AGAP3: variants seen among roughly 807,000 people sequenced by gnomAD.
AGAP3 encodes arf-GAP with GTPase, ANK repeat and PH domain-containing protein 3.
AGAP3 carries 24 observed loss-of-function variants against 96.9 expected under a neutral mutation model. The ratio of observed to expected loss-of-function variants is 0.25; its 90% CI spans 0.18 to 0.35. The LOEUF is 0.35. AGAP3 is among the 10% of genes least tolerant of loss of function. The pLI, the probability that AGAP3 is intolerant of heterozygous loss-of-function variation, is 1.00. For missense variants in AGAP3, 876 were observed against 1,254.2 expected (o/e 0.70, Z 4.55); for synonymous variants, 563 against 536.1 (o/e 1.05, Z -0.69).
chr7:151,093,034 C>G (rs1258425780), intron 1 of AGAP3, among the ~76,000 whole-genome samples: 2 of 152,188 alleles, frequency 1.3e-5, no homozygotes, highest in African/African-American at 4.8e-5. Context: ...AATGGTGGCT[C>G]TCTGAGGCGT....
chr7:151,128,141 ATC>A (rs1408285659), intron 9 of AGAP3, among the ~76,000 whole-genome samples: 25 of 151,824 alleles, frequency 1.6e-4, no homozygotes, highest in Admixed American at 6.6e-5. Context: ...ACTTAGCAAA[ATC>A]TCTGCTGTTT....
At chr7:151,125,992 G>A (rs1007003351) in intron 9 of AGAP3, among the ~76,000 whole-genome samples, 24 of 151,810 alleles carry the variant, frequency 1.6e-4, no homozygotes, top group Admixed American at 1.4e-3. Flanking sequence ...TCTTTGGAGA[G>A]GGAGTGGGAA....
chr7:151,115,861 G>A (rs1224333967), intron 1 of AGAP3, among the ~76,000 whole-genome samples: 1 of 152,226 alleles, frequency 6.6e-6, no homozygotes, highest in Non-Finnish European at 1.5e-5. Flanking sequence ...AGGAAGAGGA[G>A]ACTCACCAGA....
intron 1 of AGAP3, among the ~76,000 whole-genome samples, chr7:151,105,463 A>G (rs528617576): frequency 2.0e-5 from 3 of 152,188 alleles, no homozygotes; most frequent in South Asian, 2.1e-4. Flanking sequence ...TTTTTAAACA[A>G]TCAAGTATTA....
At chr7:151,127,724 G>C (rs1800236476) in intron 9 of AGAP3, among the ~76,000 whole-genome samples, 1 of 152,212 alleles carries the variant, frequency 6.6e-6, no homozygotes, top group South Asian at 2.1e-4. Context: ...CATCTTTAGA[G>C]GGTTCTCACT....
intron 1 of AGAP3, among the ~76,000 whole-genome samples, chr7:151,099,557 T>G (rs1039844561): frequency 3.3e-5 from 5 of 152,178 alleles, no homozygotes; most frequent in Non-Finnish European, 5.9e-5. Flanking sequence ...TGTGTTCATG[T>G]TAAGGGGCAC....
At chr7:151,138,335 T>G (rs1370915817) in intron 12 of AGAP3, 22 bp downstream of exon 12, 1 of 1,588,378 alleles carries the variant, frequency 6.3e-7, no homozygotes, top group Non-Finnish European at 8.6e-7. Context: ...CTCTGCTGCT[T>G]CCCACCTTTT....
chr7:151,123,240 C>G, intron 8 of AGAP3: 1 of 1,068,534 alleles, frequency 9.4e-7, no homozygotes, highest in Non-Finnish European at 1.1e-6. Context: ...TTTGGCCTCC[C>G]CCTATTTCCT....
intron 8 of AGAP3, chr7:151,122,855 C>G: frequency 6.2e-7 from 1 of 1,603,460 alleles, no homozygotes; most frequent in East Asian, 2.2e-5. Context: ...CGGGCCGGGC[C>G]CTGGGACTGC....
At chr7:151,104,189 G>A (rs1266187122) in intron 1 of AGAP3, among the ~76,000 whole-genome samples, 3 of 152,216 alleles carry the variant, frequency 2.0e-5, no homozygotes, top group Non-Finnish European at 4.4e-5. Flanking sequence ...GGATTGTCAA[G>A]GTGGCCGTAA....
intron 1 of AGAP3, among the ~76,000 whole-genome samples, chr7:151,105,000 A>T (rs976010506): frequency 2.6e-5 from 4 of 152,186 alleles, no homozygotes; most frequent in African/African-American, 9.7e-5. Flanking sequence ...CGTGAGCAGG[A>T]GCTGGGAAGA....
Position 151,140,442 on chromosome 7 carries a change from C to G in AGAP3, c.1804+326C>G, listed in dbSNP as rs10230113. On this transcript the variant is annotated intron_variant, in intron 13 of 17. Coordinates refer to ENST00000397238, the MANE Select transcript of AGAP3 (RefSeq NM_031946.7). This position sits in a 1 kb window ranked among gnomAD's most constrained non-coding sequence, Gnocchi z 5.4. Reference sequence around the variant, plus strand: ...GTGTTTTCTGTCTCTTGTGTCATACCGAGTTTAATAAAGTGCTGGGTACTT... The same window carrying G: ...GTGTTTTCTGTCTCTTGTGTCATACGGAGTTTAATAAAGTGCTGGGTACTT... 5.4e-6 allele frequency: 1 copy of G among 184,670 alleles called. No homozygotes were observed. Among genetic ancestry groups the G allele is most frequent in the African/African-American group, 2.4e-5 (1 of 42,508 alleles). The allele number at this position is 184,670 out of a possible 1,614,324, so 11.4% of individuals were successfully genotyped here.
At chr7:151,091,445 C>T (rs1019313143) in intron 1 of AGAP3, among the ~76,000 whole-genome samples, 1 of 152,232 alleles carries the variant, frequency 6.6e-6, no homozygotes, top group Non-Finnish European at 1.5e-5. Context: ...TTAGCTCCTA[C>T]TGTGCGGCCC....
At position 151,086,909 on chromosome 7, in the gene AGAP3, G is replaced by T. The variant is rs762684454; in HGVS notation, c.168G>T (p.Gly56=). ...GCCCCTCGCAGCAGCTGGCCGGCGG[G>T]CCCCCCCAGCAGTTCGCGCTCTCCA... The part of the protein sequence containing the change: ...GGGPSQQLAG[G]PPQQFALSNS... The change falls in exon 1 of 18, where the codon GGG becomes GGT. Residue 56 remains glycine, a synonymous_variant. Transcript: ENST00000397238. 5 of 1,482,300 alleles carry T rather than the reference G, an allele frequency of 3.4e-6. No individual in the cohort carries two copies. Among genetic ancestry groups the T allele is most frequent in the Non-Finnish European group, 4.5e-6 (5 of 1,110,496 alleles). The allele number at this position is 1,482,300 out of a possible 1,614,324, so 91.8% of individuals were successfully genotyped here. A position where few individuals can be genotyped will look rare whatever the true frequency, so the allele number is the denominator to read the frequency against.
At chr7:151,117,575 GC>G in intron 4 of AGAP3, 60 bp from the exon 5 acceptor site, 8 of 1,611,916 alleles carry the variant, frequency 5.0e-6, no homozygotes, top group Non-Finnish European at 6.8e-6. Flanking sequence ...GAGTTCACCT[GC>G]CCTGCATGGG....
At chr7:151,089,801 AC>A (rs1216724833) in intron 1 of AGAP3, 1 of 138,048 alleles carries the variant, frequency 7.2e-6, no homozygotes, top group Non-Finnish European at 1.6e-5. Context: ...TGGAAGAAGT[AC>A]AGCCTTCAGC....
chr7:151,123,902 C>A lies in AGAP3; in HGVS notation c.1221+16C>A. On this transcript the variant is annotated intron_variant, in intron 9 of 17. Coordinates refer to ENST00000397238, the MANE Select transcript of AGAP3 (RefSeq NM_031946.7). ...CATCAAGCAGGTCAGCGCCTCCCTT[C>A]CCGTGTGCTCCAGGGCTCAGAATGA... 1 of 1,600,952 alleles carries A rather than the reference C, an allele frequency of 6.2e-7. No homozygotes were observed.
In AGAP3 at chr7:151,143,243, C is replaced by T; in HGVS notation, c.2274-98C>T. On this transcript the variant is annotated intron_variant, in intron 16 of 17. Transcript: ENST00000397238. The surrounding 1 kb of genome is among the most constrained non-coding windows in gnomAD (Gnocchi z 5.9). ...CTTCTCTCACTGTTTCTTCCTTGTTCCCCCGGGTGCTCGCTTCCTTTCCTG... is the reference window on the plus strand; with the variant it reads ...CTTCTCTCACTGTTTCTTCCTTGTTTCCCCGGGTGCTCGCTTCCTTTCCTG... The T allele has an allele frequency of 1.4e-6, 2 of 1,416,446 alleles. No individual in the cohort carries two copies. Among genetic ancestry groups the T allele is most frequent in the Non-Finnish European group, 1.9e-6 (2 of 1,047,062 alleles). The allele number at this position is 1,416,446 out of a possible 1,614,324, so 87.7% of individuals were successfully genotyped here.
At chr7:151,089,550 T>G (rs1456811920) in intron 1 of AGAP3, among the ~76,000 whole-genome samples, 2 of 152,162 alleles carry the variant, frequency 1.3e-5, no homozygotes, top group Non-Finnish European at 2.9e-5. Flanking sequence ...GAAGGTGACG[T>G]GGGACCTGCG....
Sources: allele counts gnomAD v4.1 joint callset (sites outside exome capture counted in the v4.1 genomes callset), GRCh38; gene constraint gnomAD v4.1.1; non-coding constraint Gnocchi (gnomAD v3.1); transcripts MANE v1.5; gene names NCBI Gene and HGNC (gene_info 2026-07-23, HGNC 2026-07-21).